PSME4: variants seen among roughly 807,000 people sequenced by gnomAD.
PSME4 encodes the protein proteasome activator complex subunit 4.
PSME4 carries 89 observed loss-of-function variants against 253.9 expected under a neutral mutation model. The ratio of observed to expected loss-of-function variants is 0.35; its 90% CI spans 0.30 to 0.42. The LOEUF is 0.42. Ranked by LOEUF, PSME4 falls within the 10% of genes least tolerant of loss-of-function variation. The probability of loss-of-function intolerance (pLI) is 1.00; values close to 1 mark genes in which losing one functional copy is unlikely to be tolerated. For synonymous variants in PSME4, 851 were observed against 759.2 expected (o/e 1.12, Z -1.99); for missense variants, 2,014 against 2,195.2 (o/e 0.92, Z 1.65).
rs190503424 is a variant in PSME4 at position 53,957,849 on chromosome 2, T to C, written c.243-8566A>G. Among the ~76,000 whole-genome samples, 348 of 152,282 alleles carry C rather than the reference T, an allele frequency of 2.3e-3. 1 individual carries two copies. Among genetic ancestry groups the C allele is most frequent in the African/African-American group, 8.0e-3 (333 of 41,562 alleles). On this transcript the variant is annotated intron_variant, in intron 1 of 46. Coordinates refer to ENST00000404125, the MANE Select transcript of PSME4 (RefSeq NM_014614.3). ...AAGCAAAACTTTATGTGCTTAATAA[T>C]GGTAACAAAATATTGTGTGAGACAA...
intron 43 of PSME4, among the ~76,000 whole-genome samples, chr2:53,874,119 G>A (rs1679015446): frequency 6.6e-6 from 1 of 152,116 alleles, no homozygotes; most frequent in South Asian, 2.1e-4. Context: ...ACACCATCAT[G>A]TCCAGCTAAT....
At chr2:53,873,617 C>T (rs1283810921) in intron 43 of PSME4, among the ~76,000 whole-genome samples, 1 of 152,208 alleles carries the variant, frequency 6.6e-6, no homozygotes, top group East Asian at 1.9e-4. Flanking sequence ...AATGTAACCT[C>T]ACCACAAAAG....
intron 10 of PSME4, among the ~76,000 whole-genome samples, chr2:53,930,890 G>C (rs1480991188): frequency 6.6e-6 from 1 of 152,166 alleles, no homozygotes; most frequent in Admixed American, 6.5e-5. Flanking sequence ...CATTTAGAAA[G>C]AGATCATAAA....
rs10599430 is a variant in PSME4 at position 53,876,716 on chromosome 2, C to CTTTTTTTTTTTTTTTTTTTTTTTTTT, written c.4816-962_4816-961insAAAAAAAAAAAAAAAAAAAAAAAAAA. Among the ~76,000 whole-genome samples, 135 of 97,834 alleles carry CTTTTTTTTTTTTTTTTTTTTTTTTTT rather than the reference C, an allele frequency of 1.4e-3. 13 individuals carry two copies. Among genetic ancestry groups the CTTTTTTTTTTTTTTTTTTTTTTTTTT allele is most frequent in the East Asian group, 7.5e-3 (18 of 2,392 alleles). The allele number at this position is 97,834 out of a possible 152,430, so 64.2% of individuals were successfully genotyped here. On this transcript the variant is annotated intron_variant, in intron 41 of 46. Coordinates refer to ENST00000404125, the MANE Select transcript of PSME4 (RefSeq NM_014614.3). ...TCTGATGGCTGTAGCCACTGTCATT[C>CTTTTTTTTTTTTTTTTTTTTTTTTTT]TTTTTTTTTTTTTTTTTTTTGAGAC... is the stretch of plus-strand genomic sequence containing the variant.
In PSME4 at chr2:53,954,126, G is replaced by A. The variant is rs143725606; in HGVS notation, c.243-4843C>T. Among the ~76,000 whole-genome samples the A allele has an allele frequency of 8.7e-3, 1,317 of 151,688 alleles. 20 individuals are homozygous for A. The highest frequency in any genetic ancestry group is 0.03 in the African/African-American group (1,257 of 41,400). On this transcript the variant is annotated intron_variant, in intron 1 of 46. Transcript: ENST00000404125. ...AGGCAGATCACGAGGTCAGGAGTTC[G>A]AGATCAGCCTGACCAACACAGTGAA...
chr2:53,937,550 AAAG>A lies in PSME4; in HGVS notation c.546-13_546-11del, dbSNP rs778802883. 11 of 1,608,280 alleles carry A rather than the reference AAAG, an allele frequency of 6.8e-6. No individual in the cohort carries two copies. The highest frequency in any genetic ancestry group is 1.1e-5 in the South Asian group (1 of 90,088). ...ATCTGCTGGAAAATATCTAATAAAA[AAAG>A]AAGGTTTTCATGTATCTGATTATTG... On this transcript the variant is annotated splice_polypyrimidine_tract_variant and intron_variant, in intron 4 of 46. Transcript: ENST00000404125.
intron 36 of PSME4, 49 bp downstream of exon 36, chr2:53,892,759 G>A: frequency 1.9e-6 from 3 of 1,549,818 alleles, no homozygotes; most frequent in Non-Finnish European, 2.6e-6. Flanking sequence ...ACCAAAATGG[G>A]TAACATAGCT....
chr2:53,935,367 G>C (rs951455061), intron 7 of PSME4, among the ~76,000 whole-genome samples: 3 of 152,094 alleles, frequency 2.0e-5, no homozygotes, highest in Admixed American at 6.6e-5. Flanking sequence ...ACAAGCAAAA[G>C]CAAACAGAGC....
At chr2:53,868,511 A>AT (rs1356637107) in intron 44 of PSME4, among the ~76,000 whole-genome samples, 2 of 57,546 alleles carry the variant, frequency 3.5e-5, no homozygotes, top group South Asian at 8.7e-4. Flanking sequence ...TATATTATAA[A>AT]ATATATTTAT....
rs768992704 is a variant in PSME4, at chr2:53,885,725, T to C, written c.4780A>G (p.Thr1594Ala). 9 of 1,613,206 alleles carry C rather than the reference T, an allele frequency of 5.6e-6. No individual in the cohort carries two copies. Among genetic ancestry groups the C allele is most frequent in the Non-Finnish European group, 7.6e-6 (9 of 1,179,430 alleles). The change falls in exon 41 of 47, where the codon ACA (threonine) becomes GCA (alanine). Residue 1594 changes from threonine to alanine, a missense_variant. This residue lies in a region of PSME4 where 403 missense variants were observed against 556.1 expected (regional missense o/e 0.72). Transcript: ENST00000404125. ...SAGRSFSTAVTEQLQLLPLFF... is the reference protein window; with the variant it reads ...SAGRSFSTAVAEQLQLLPLFF... ...AAAGGTAGAAGCTGAAGTTGTTCTGTAACTGCTGTAGAAAAGGATCTTCCT... is the reference window on the plus strand; with the variant it reads ...AAAGGTAGAAGCTGAAGTTGTTCTGCAACTGCTGTAGAAAAGGATCTTCCT...
At chr2:53,918,370 T>C (rs1391242296) in intron 20 of PSME4, among the ~76,000 whole-genome samples, 1 of 152,230 alleles carries the variant, frequency 6.6e-6, no homozygotes, top group African/African-American at 2.4e-5. Context: ...TAAAATGTTT[T>C]TGAGACAGGG....
Position 53,866,836 on chromosome 2 carries a change from C to T in PSME4, c.5308G>A (p.Val1770Ile). The T allele has an allele frequency of 1.2e-6, 2 of 1,614,118 alleles. No homozygotes were observed. Among genetic ancestry groups the T allele is most frequent in the Non-Finnish European group, 1.7e-6 (2 of 1,179,980 alleles). ...GGAACATCGTAAGGACTAGAAAGAA[C>T]ACATGCACCAAGTCCTAGCACCCCA... is the stretch of plus-strand genomic sequence containing the variant. ...HAGVLGLGAC[V>I]LSSPYDVPTW... The change falls in exon 45 of 47, where the codon GTT becomes ATT. Residue 1770 changes from valine (V) to isoleucine (I), a missense_variant. By Grantham distance (29) the Val-to-Ile change is conservative. Transcript: ENST00000404125.
intron 10 of PSME4, among the ~76,000 whole-genome samples, chr2:53,930,586 T>C (rs1188501582): frequency 6.6e-6 from 1 of 152,072 alleles, no homozygotes; most frequent in Non-Finnish European, 1.5e-5. Context: ...ATAGGAGAAG[T>C]TGGGAAAATG....
chr2:53,899,749 T>C (rs1365304816), intron 29 of PSME4, 132 bp downstream of exon 29: 1 of 1,082,934 alleles, frequency 9.2e-7, no homozygotes. Context: ...ACCCAGGAGG[T>C]GAAGGTTGCA....
At chr2:53,902,918 G>T (rs569120011) in intron 27 of PSME4, among the ~76,000 whole-genome samples, 112 of 152,320 alleles carry the variant, frequency 7.4e-4, no homozygotes, top group African/African-American at 2.2e-3. Flanking sequence ...CATGGAAGAT[G>T]TTTAGGGCTC....
At chr2:53,931,635 CCATTT>C (rs1469601655) in intron 10 of PSME4, among the ~76,000 whole-genome samples, 195 bp downstream of exon 10, 3 of 152,156 alleles carry the variant, frequency 2.0e-5, no homozygotes, top group African/African-American at 4.8e-5. Context: ...TGTATGTTAC[CCATTT>C]CATTTCAATT....
intron 41 of PSME4, among the ~76,000 whole-genome samples, chr2:53,878,342 A>T (rs1203768181): frequency 6.6e-6 from 1 of 152,136 alleles, no homozygotes; most frequent in African/African-American, 2.4e-5. Context: ...TCATCTTCAT[A>T]AGCTGAGGAT....
At chr2:53,906,894 C>T in intron 24 of PSME4, 26 bp from the exon 25 acceptor site, 1 of 1,605,110 alleles carries the variant, frequency 6.2e-7, no homozygotes, top group Non-Finnish European at 8.5e-7. Flanking sequence ...GCAACAAATA[C>T]TTCAACATTT....
chr2:53,960,856 C>A (rs1476650366), intron 1 of PSME4, among the ~76,000 whole-genome samples: 7 of 152,126 alleles, frequency 4.6e-5, no homozygotes, highest in African/African-American at 1.4e-4. Flanking sequence ...ACCTGTAATC[C>A]CAGCACTCTG....
Sources: allele counts gnomAD v4.1 joint callset (sites outside exome capture counted in the v4.1 genomes callset), GRCh38; gene constraint gnomAD v4.1.1; regional missense constraint gnomAD v4.1.1; transcripts MANE v1.5; gene names NCBI Gene and HGNC (gene_info 2026-07-23, HGNC 2026-07-21).